The following AP2M1 variants were observed in gnomAD, a reference collection of about 807,000 sequenced individuals.
AP2M1 encodes the protein adaptor related protein complex 2 subunit mu 1.
In AP2M1, 5 loss-of-function variants were observed where a neutral mutation model predicts 54.5. The ratio of observed to expected loss-of-function variants is 0.09; its 90% confidence interval spans 0.05 to 0.19. AP2M1 has a LOEUF of 0.19. Ranked by LOEUF, AP2M1 falls within the 10% of genes least tolerant of loss-of-function variation. The pLI is 1.00. For missense variants in AP2M1, 178 were observed against 580.2 expected, an observed-to-expected ratio of 0.31 and a Z score of 7.12; for synonymous variants, 186 against 208.2, an observed-to-expected ratio of 0.89 and a Z score of 0.92.
Position 184,183,220 on chromosome 3 carries a change from A to G in AP2M1, c.1174-262A>G. On this transcript the variant is annotated intron_variant, in intron 11 of 11. Coordinates refer to ENST00000292807, the MANE Select transcript of AP2M1 (RefSeq NM_004068.4). The surrounding 1 kb of genome is among the most constrained non-coding windows in gnomAD (Gnocchi z 5.7). ...TCTCCACCTTATTTTTAAGTTCATA[A>G]TATTGAGCAGGATAAGTATGTTCTA... 1 of 567,818 alleles carries G rather than the reference A, an allele frequency of 1.8e-6. No homozygotes were observed. The highest frequency in any genetic ancestry group is 3.1e-6 in the Non-Finnish European group (1 of 319,922). 35.2% of individuals were successfully genotyped at this position (567,818 alleles called of 1,614,324 possible).
rs2109032571 is a variant in AP2M1, at chr3:184,183,031, T to C, written c.1173+163T>C. ...ATTCTTCCCCTTTCAAGCCTCTTAG[T>C]AGAAATTACTATTTGTGATGAGGCA... On this transcript the variant is annotated intron_variant, in intron 11 of 11. Coordinates refer to ENST00000292807, the MANE Select transcript of AP2M1 (RefSeq NM_004068.4). This position sits in a 1 kb window ranked among gnomAD's most constrained non-coding sequence, Gnocchi z 5.7. 1.4e-6 allele frequency: 1 copy of C among 702,288 alleles called. No individual in the cohort carries two copies. The highest frequency in any genetic ancestry group is 1.8e-5 in the African/African-American group (1 of 56,790). The allele number at this position is 702,288 out of a possible 1,614,324, so 43.5% of individuals were successfully genotyped here. A position where few individuals can be genotyped will look rare whatever the true frequency, so the allele number is the denominator to read the frequency against.
Position 184,178,769 on chromosome 3 carries a change from G to C in AP2M1, c.75-88G>C, listed in dbSNP as rs1676643630. 1 of 1,503,370 alleles carries C rather than the reference G, an allele frequency of 6.7e-7. No individual in the cohort carries two copies. Among genetic ancestry groups the C allele is most frequent in the Admixed American group, 1.9e-5 (1 of 53,798 alleles). 93.1% of individuals were successfully genotyped at this position (1,503,370 alleles called of 1,614,324 possible). ...GTGTGTCAGACTTCTGCAGAAAGGA[G>C]GGTGGGGCTGTTAGCAGCTGTGGTT... On this transcript the variant is annotated intron_variant, in intron 2 of 11. Transcript: ENST00000292807. The surrounding 1 kb of genome is among the most constrained non-coding windows in gnomAD (Gnocchi z 4.9).
In AP2M1 at chr3:184,183,708, C is replaced by T. The variant is rs1408840629; in HGVS notation, c.*92C>T. On this transcript the variant is annotated 3_prime_UTR_variant, in exon 12 of 12. Coordinates refer to ENST00000292807, the MANE Select transcript of AP2M1 (RefSeq NM_004068.4). The surrounding 1 kb of genome is among the most constrained non-coding windows in gnomAD (Gnocchi z 5.7). ...CCCCACCACACATCAGTGTCTCCTC[C>T]CTCCTGCTTTGCTGCCTTCCCTTTG... 1 of 1,428,020 alleles carries T rather than the reference C, an allele frequency of 7.0e-7. No individual in the cohort carries two copies. The highest frequency in any genetic ancestry group is 9.6e-7 in the Non-Finnish European group (1 of 1,040,690). The allele number at this position is 1,428,020 out of a possible 1,614,324, so 88.5% of individuals were successfully genotyped here.
intron 3 of AP2M1, among the ~76,000 whole-genome samples, chr3:184,179,889 G>A (rs1715214568): frequency 2.0e-5 from 3 of 152,058 alleles, no homozygotes. Context: ...TTGAACTCCT[G>A]GGCTCAAGTG....
Position 184,182,426 on chromosome 3 carries a change from G to T in AP2M1, c.1061+178G>T. On this transcript the variant is annotated intron_variant, in intron 10 of 11. Transcript: ENST00000292807. This position sits in a 1 kb window ranked among gnomAD's most constrained non-coding sequence, Gnocchi z 5.5. The stretch of plus-strand genomic sequence containing the variant: ...TGTGAGTATGTACACGCCTGCATTT[G>T]GGTTCATGCACGTGCTTATTTTTTA... The T allele has an allele frequency of 1.5e-6, 1 of 667,948 alleles. No homozygotes were observed. The highest frequency in any genetic ancestry group is 2.5e-6 in the Non-Finnish European group (1 of 399,080). 41.4% of individuals were successfully genotyped at this position (667,948 alleles called of 1,614,324 possible). A position where few individuals can be genotyped will look rare whatever the true frequency, so the allele number is the denominator to read the frequency against.
In AP2M1 at chr3:184,182,273, C is replaced by CTTCATTAGGCTCACTTG. The variant is rs779947506; in HGVS notation, c.1061+25_1061+26insTTCATTAGGCTCACTTG. The CTTCATTAGGCTCACTTG allele has an allele frequency of 6.2e-6, 10 of 1,608,872 alleles. No homozygotes were observed. The Admixed American group carries it at 8.4e-5, about 14-fold the overall frequency. On this transcript the variant is annotated intron_variant, in intron 10 of 11. Transcript: ENST00000292807. The surrounding 1 kb of genome is among the most constrained non-coding windows in gnomAD (Gnocchi z 5.5). ...AGTGAGTCTTTCCTTCATTAGGCCA[C>CTTCATTAGGCTCACTTG]AGCAGGGCTCAAGATCCCAGTATAC...
chr3:184,174,910 G>A lies in AP2M1; in HGVS notation c.-93G>A. ...CGAGCAGGGGGCGGGCGGACATCTTGGGATCCGGAGAGTGGCCGGGCCGGC... is the reference window on the plus strand; with the variant it reads ...CGAGCAGGGGGCGGGCGGACATCTTAGGATCCGGAGAGTGGCCGGGCCGGC... On this transcript the variant is annotated 5_prime_UTR_variant, in exon 1 of 12. Coordinates refer to ENST00000292807, the MANE Select transcript of AP2M1 (RefSeq NM_004068.4). 1 of 398,498 alleles carries A rather than the reference G, an allele frequency of 2.5e-6. No individual in the cohort carries two copies. The highest frequency in any genetic ancestry group is 3.6e-5 in the East Asian group (1 of 28,080). 24.7% of individuals were successfully genotyped at this position (398,498 alleles called of 1,614,324 possible).
rs1715352075 is a variant in AP2M1, at chr3:184,183,803, C to T, written c.*187C>T. 2 of 645,840 alleles carry T rather than the reference C, an allele frequency of 3.1e-6. No individual in the cohort carries two copies. Among genetic ancestry groups the T allele is most frequent in the Non-Finnish European group, 5.2e-6 (2 of 386,354 alleles). 40.0% of individuals were successfully genotyped at this position (645,840 alleles called of 1,614,324 possible). A position where few individuals can be genotyped will look rare whatever the true frequency, so the allele number is the denominator to read the frequency against. ...ACCGGTGGAGCAGCCCCTGGGCTCC[C>T]TGGGCAGGGGAGTTCTGAGGCTCCT... On this transcript the variant is annotated 3_prime_UTR_variant, in exon 12 of 12. Transcript: ENST00000292807. The surrounding 1 kb of genome is among the most constrained non-coding windows in gnomAD (Gnocchi z 5.7).
chr3:184,183,919 G>A lies in AP2M1; in HGVS notation c.*303G>A. The stretch of plus-strand genomic sequence containing the variant: ...TGGGTTCCCTTTCCTTCCCACCCCT[G>A]TGGCCACAGCTCTGGAGTGGGAGGG... On this transcript the variant is annotated 3_prime_UTR_variant, in exon 12 of 12. Transcript: ENST00000292807. This position sits in a 1 kb window ranked among gnomAD's most constrained non-coding sequence, Gnocchi z 5.7. 3.0e-6 allele frequency: 1 copy of A among 335,726 alleles called. No individual in the cohort carries two copies. Among genetic ancestry groups the A allele is most frequent in the South Asian group, 3.3e-5 (1 of 30,318 alleles). 20.8% of individuals were successfully genotyped at this position (335,726 alleles called of 1,614,324 possible).
Position 184,182,432 on chromosome 3 carries a change from A to C in AP2M1, c.1061+184A>C. 1 of 638,914 alleles carries C rather than the reference A, an allele frequency of 1.6e-6. No individual in the cohort carries two copies. The highest frequency in any genetic ancestry group is 2.1e-5 in the South Asian group (1 of 48,354). The allele number at this position is 638,914 out of a possible 1,614,324, so 39.6% of individuals were successfully genotyped here. A position where few individuals can be genotyped will look rare whatever the true frequency, so the allele number is the denominator to read the frequency against. On this transcript the variant is annotated intron_variant, in intron 10 of 11. Coordinates refer to ENST00000292807, the MANE Select transcript of AP2M1 (RefSeq NM_004068.4). This position sits in a 1 kb window ranked among gnomAD's most constrained non-coding sequence, Gnocchi z 5.5. ...TATGTACACGCCTGCATTTGGGTTC[A>C]TGCACGTGCTTATTTTTTAAGATGC...
chr3:184,180,817 G>A lies in AP2M1; in HGVS notation c.430-32G>A, dbSNP rs533824699. ...GATGATTAAAGGGACAGAGGAGTGA[G>A]GCCATTGCTGTTTGTTTCTGCCCTC... On this transcript the variant is annotated intron_variant, in intron 5 of 11. Coordinates refer to ENST00000292807, the MANE Select transcript of AP2M1 (RefSeq NM_004068.4). The surrounding 1 kb of genome is among the most constrained non-coding windows in gnomAD (Gnocchi z 4.9). The A allele has an allele frequency of 6.2e-7, 1 of 1,614,216 alleles. No individual in the cohort carries two copies. Among genetic ancestry groups the A allele is most frequent in the African/African-American group, 1.3e-5 (1 of 75,062 alleles).
chr3:184,181,199 A>G lies in AP2M1; in HGVS notation c.680A>G (p.Lys227Arg). The G allele has an allele frequency of 6.2e-7, 1 of 1,614,132 alleles. No individual in the cohort carries two copies. Among genetic ancestry groups the G allele is most frequent in the Admixed American group, 1.7e-5 (1 of 60,030 alleles). Residue 227 changes from lysine to arginine, a missense_variant, in exon 7 of 12, where the codon AAA (lysine) becomes AGA (arginine). Lys to Arg is a conservative substitution (Grantham distance 26). Around this residue, in one of 5 missense-constraint regions of AP2M1, gnomAD observed 115 missense variants for 331.2 expected, o/e 0.35. Coordinates refer to ENST00000292807, the MANE Select transcript of AP2M1 (RefSeq NM_004068.4). The surrounding 1 kb of genome is among the most constrained non-coding windows in gnomAD (Gnocchi z 5.7). ...AAGATTGTTATTGAAAAGCAGGGCA[A>G]AGGCACAGCTGATGAAACAAGCAAG... ...NDKIVIEKQG[K>R]GTADETSKSG...
chr3:184,182,207 G>A lies in AP2M1; in HGVS notation c.1020G>A (p.Gly340=), dbSNP rs1332659493. The change falls in exon 10 of 12, where the codon GGG becomes GGA. Residue 340 remains glycine (G), a synonymous_variant. Transcript: ENST00000292807. The surrounding 1 kb of genome is among the most constrained non-coding windows in gnomAD (Gnocchi z 5.5). ...GGGTGCAGGTGATCTGCATGAAGGG[G>A]AAGGCCAAGTACAAGGCCAGCGAGA... ...TSGVQVICMK[G]KAKYKASENA... 2 of 1,614,064 alleles carry A rather than the reference G, an allele frequency of 1.2e-6. No individual in the cohort carries two copies. Among genetic ancestry groups the A allele is most frequent in the African/African-American group, 2.7e-5 (2 of 74,916 alleles).
intron 1 of AP2M1, 21 bp downstream of exon 1, chr3:184,174,980 T>C (rs915370276): frequency 2.5e-6 from 1 of 398,654 alleles, no homozygotes; most frequent in Admixed American, 4.4e-5. Context: ...GATCTGGCCT[T>C]ATGGCGTGGA....
rs144760576 is a variant in AP2M1 at position 184,181,771 on chromosome 3, C to T, written c.783C>T (p.Arg261=). 2.2e-5 allele frequency: 35 copies of T among 1,614,144 alleles called. No homozygotes were observed. In the African/African-American group the frequency reaches 3.7e-4, roughly 17 times the overall value. The change falls in exon 8 of 12, where the codon CGC becomes CGT. Residue 261 remains arginine, a synonymous_variant. Transcript: ENST00000292807. The surrounding 1 kb of genome is among the most constrained non-coding windows in gnomAD (Gnocchi z 5.7). ...GACTCAGCAAGTTTGACTCTGAACG[C>T]AGCATCAGCTTTATCCCGCCAGATG... ...CVRLSKFDSE[R]SISFIPPDGE... is the part of the protein sequence containing the mutation.
At chr3:184,176,316 C>G (rs1202292194) in intron 1 of AP2M1, among the ~76,000 whole-genome samples, 2 of 152,148 alleles carry the variant, frequency 1.3e-5, no homozygotes, top group African/African-American at 4.8e-5. Flanking sequence ...CTCCTGTGCC[C>G]TTTGCCTGCT....
rs1266133529 is a variant in AP2M1 at position 184,181,747 on chromosome 3, A to G, written c.759A>G (p.Arg253=). ...ACTGCACCTTCCACCAGTGTGTGCG[A>G]CTCAGCAAGTTTGACTCTGAACGCA... is the stretch of plus-strand genomic sequence containing the variant. ...IDDCTFHQCV[R]LSKFDSERSI... The change falls in exon 8 of 12, where the codon CGA becomes CGG. Residue 253 remains arginine (R), a synonymous_variant. Coordinates refer to ENST00000292807, the MANE Select transcript of AP2M1 (RefSeq NM_004068.4). The surrounding 1 kb of genome is among the most constrained non-coding windows in gnomAD (Gnocchi z 5.7). 6.2e-7 allele frequency: 1 copy of G among 1,614,036 alleles called. No individual in the cohort carries two copies. The highest frequency in any genetic ancestry group is 2.2e-5 in the East Asian group (1 of 44,870).
At position 184,181,017 on chromosome 3, in the gene AP2M1, G is replaced by A. The variant is rs749817866; in HGVS notation, c.565+33G>A. 100 of 1,613,970 alleles carry A rather than the reference G, an allele frequency of 6.2e-5. No individual in the cohort carries two copies. Among genetic ancestry groups the A allele is most frequent in the Non-Finnish European group, 7.8e-5 (92 of 1,179,998 alleles). On this transcript the variant is annotated intron_variant, in intron 6 of 11. Coordinates refer to ENST00000292807, the MANE Select transcript of AP2M1 (RefSeq NM_004068.4). The surrounding 1 kb of genome is among the most constrained non-coding windows in gnomAD (Gnocchi z 5.7). ...CCCTCTCACGACAAAGTTGGAGGGG[G>A]CCCAGGGCAGGATCCTGGGCCTGCC...
rs1410572648 is a variant in AP2M1, at chr3:184,183,177, G to A, written c.1174-305G>A. On this transcript the variant is annotated intron_variant, in intron 11 of 11. Coordinates refer to ENST00000292807, the MANE Select transcript of AP2M1 (RefSeq NM_004068.4). The surrounding 1 kb of genome is among the most constrained non-coding windows in gnomAD (Gnocchi z 5.7). ...GGATAATGGGCTGACTTTGCTTTGC[G>A]CATGTTAGACATAATTTTCTCCACC... 7.3e-6 allele frequency: 4 copies of A among 549,812 alleles called. No homozygotes were observed. The highest frequency in any genetic ancestry group is 1.3e-5 in the Non-Finnish European group (4 of 307,098). The allele number at this position is 549,812 out of a possible 1,614,324, so 34.1% of individuals were successfully genotyped here.
Sources: allele counts gnomAD v4.1 joint callset (sites outside exome capture counted in the v4.1 genomes callset), GRCh38; gene constraint gnomAD v4.1.1; regional missense constraint gnomAD v4.1.1; non-coding constraint Gnocchi (gnomAD v3.1); transcripts MANE v1.5; gene names NCBI Gene and HGNC (gene_info 2026-07-23, HGNC 2026-07-21).